SYNDIG1: variants seen among roughly 807,000 people sequenced by gnomAD.
SYNDIG1 encodes the protein synapse differentiation inducing 1, also known as synapse differentiation-inducing gene protein 1.
SYNDIG1 carries 9 observed loss-of-function variants against 19.4 expected under a neutral mutation model. That is an observed-to-expected ratio of 0.46 (90% CI 0.28 to 0.81). The LOEUF (loss-of-function observed/expected upper bound fraction) is 0.81. Among genes scored for constraint, SYNDIG1 ranks in the 30% least tolerant of loss-of-function variants. The pLI is 0.12. For synonymous variants in SYNDIG1, 141 were observed against 145.9 expected, an observed-to-expected ratio of 0.97 and a Z score of 0.24; for missense variants, 311 against 343.3, an observed-to-expected ratio of 0.91 and a Z score of 0.74.
intron 2 of SYNDIG1, among the ~76,000 whole-genome samples, chr20:24,578,681 C>T (rs762078723): frequency 8.4e-4 from 128 of 152,250 alleles, no homozygotes; most frequent in Non-Finnish European, 1.4e-3. Flanking sequence ...GCTTAGGGGA[C>T]GGCAGGTGCA....
intron 2 of SYNDIG1, among the ~76,000 whole-genome samples, chr20:24,575,578 A>G (rs1039396240): frequency 6.6e-6 from 1 of 152,342 alleles, no homozygotes; most frequent in Non-Finnish European, 1.5e-5. Flanking sequence ...CATTTGTTCT[A>G]GGACGTGCAA....
chr20:24,552,067 A>G (rs925851057), intron 2 of SYNDIG1, among the ~76,000 whole-genome samples: 2 of 152,340 alleles, frequency 1.3e-5, no homozygotes, highest in African/African-American at 4.8e-5. Context: ...AGTATCAGAA[A>G]TATTTACTTT....
intron 3 of SYNDIG1, among the ~76,000 whole-genome samples, chr20:24,650,191 A>G (rs560645804): frequency 1.3e-5 from 2 of 152,350 alleles, no homozygotes; most frequent in South Asian, 4.1e-4. Flanking sequence ...TCGTTGTCTT[A>G]TCTATAACGT....
intron 1 of SYNDIG1, among the ~76,000 whole-genome samples, chr20:24,494,267 G>A (rs1287357427): frequency 6.6e-6 from 1 of 152,192 alleles, no homozygotes; most frequent in East Asian, 1.9e-4. Flanking sequence ...ATGGAGGATT[G>A]AGCGCACAGT....
intron 2 of SYNDIG1, among the ~76,000 whole-genome samples, chr20:24,573,324 G>C (rs2058175245): frequency 6.6e-6 from 1 of 152,120 alleles, no homozygotes; most frequent in Non-Finnish European, 1.5e-5. Flanking sequence ...GCTCGGTTTT[G>C]TTCAGGCAGG....
In SYNDIG1 at chr20:24,481,647, A is replaced by G. The variant is rs563216599; in HGVS notation, c.-79+11894A>G. Among the ~76,000 whole-genome samples the G allele has an allele frequency of 3.3e-5, 5 of 152,340 alleles. No individual in the cohort carries two copies. The East Asian group carries it at 9.6e-4, about 29-fold the overall frequency. On this transcript the variant is annotated intron_variant, in intron 1 of 3. Transcript: ENST00000376862. ...TGAAGGGAGGTGTGTGAAAGAATTT[A>G]TGAACCATGTATTCAATCTGCCATG... is the stretch of plus-strand genomic sequence containing the variant.
chr20:24,663,327 A>G (rs1465240785), intron 3 of SYNDIG1, among the ~76,000 whole-genome samples: 1 of 152,190 alleles, frequency 6.6e-6, no homozygotes, highest in Non-Finnish European at 1.5e-5. Flanking sequence ...AAGGTCCCCC[A>G]GCGTGGAGAA....
intron 1 of SYNDIG1, among the ~76,000 whole-genome samples, chr20:24,517,533 G>A (rs2056901592): frequency 6.7e-6 from 1 of 148,206 alleles, no homozygotes; most frequent in Non-Finnish European, 1.5e-5. Context: ...GCAGGAGAAT[G>A]GTGTGAACCT....
At chr20:24,646,667 G>A (rs2147353702) in intron 3 of SYNDIG1, among the ~76,000 whole-genome samples, 1 of 151,970 alleles carries the variant, frequency 6.6e-6, no homozygotes, top group East Asian at 1.9e-4. Flanking sequence ...TGTCACCGAG[G>A]CTGGAGTACA....
intron 2 of SYNDIG1, among the ~76,000 whole-genome samples, chr20:24,568,266 G>T (rs2058087531): frequency 6.6e-6 from 1 of 152,204 alleles, no homozygotes; most frequent in Non-Finnish European, 1.5e-5. Context: ...CAGGTAATGA[G>T]CTGAAAGAAA....
chr20:24,560,694 CTTTTTTT>C (rs10658853), intron 2 of SYNDIG1, among the ~76,000 whole-genome samples: 1 of 113,822 alleles, frequency 8.8e-6, no homozygotes, highest in Non-Finnish European at 1.8e-5. Flanking sequence ...CTGTTGACTA[CTTTTTTT>C]TTTTTTTTTT....
At position 24,543,493 on chromosome 20, in the gene SYNDIG1, G is replaced by A. The variant is rs746773494; in HGVS notation, c.396G>A (p.Lys132=). Residue 132 remains lysine, a synonymous_variant, in exon 2 of 4, where the codon AAG becomes AAA. Transcript: ENST00000376862. ...ACAGCCTCGAGTACCCGGATGGGAA[G>A]TTCATTGACCTCTCAGCTGATGACA... The part of the protein sequence containing the change: ...TKDSLEYPDG[K]FIDLSADDIK... 1 of 1,612,530 alleles carries A rather than the reference G, an allele frequency of 6.2e-7. No individual in the cohort carries two copies. The highest frequency in any genetic ancestry group is 8.5e-7 in the Non-Finnish European group (1 of 1,180,020).
chr20:24,634,131 G>C (rs1009761685), intron 3 of SYNDIG1, among the ~76,000 whole-genome samples: 3 of 152,206 alleles, frequency 2.0e-5, no homozygotes, highest in Non-Finnish European at 4.4e-5. Flanking sequence ...CCCTCCTCCA[G>C]GGGGACCCCG....
intron 1 of SYNDIG1, among the ~76,000 whole-genome samples, chr20:24,534,389 G>C (rs2057321246): frequency 6.6e-6 from 1 of 152,312 alleles, no homozygotes; most frequent in Non-Finnish European, 1.5e-5. Context: ...GTCAGCACAA[G>C]CTCCGGGGCT....
rs559960635 is a variant in SYNDIG1 at position 24,584,745 on chromosome 20, T to C, written c.481-111T>C. 18 of 1,479,454 alleles carry C rather than the reference T, an allele frequency of 1.2e-5. No individual in the cohort carries two copies. In the African/African-American group the frequency reaches 2.4e-4, roughly 20 times the overall value. The allele number at this position is 1,479,454 out of a possible 1,614,324, so 91.6% of individuals were successfully genotyped here. On this transcript the variant is annotated intron_variant, in intron 2 of 3. Transcript: ENST00000376862. ...AACAACGTCAGCAACTGCAGCTGCCTCCCGGGGAGGGCCTGCGCCAGCCAG... is the reference window on the plus strand; with the variant it reads ...AACAACGTCAGCAACTGCAGCTGCCCCCCGGGGAGGGCCTGCGCCAGCCAG...
intron 3 of SYNDIG1, among the ~76,000 whole-genome samples, chr20:24,591,944 A>G (rs1431176363): frequency 1.3e-5 from 2 of 152,240 alleles, no homozygotes. Context: ...GAAGAACTAT[A>G]GAAGTCTGAT....
At chr20:24,473,022 T>A (rs751539041) in intron 1 of SYNDIG1, among the ~76,000 whole-genome samples, 1 of 152,190 alleles carries the variant, frequency 6.6e-6, no homozygotes, top group Non-Finnish European at 1.5e-5. Context: ...CACATTGGCC[T>A]TTCAGACCCT....
chr20:24,582,496 A>G (rs1600680323), intron 2 of SYNDIG1, among the ~76,000 whole-genome samples: 1 of 85,312 alleles, frequency 1.2e-5, no homozygotes, highest in African/African-American at 5.1e-5. Context: ...TCACCCCTGC[A>G]CATCCTCCCC....
intron 3 of SYNDIG1, among the ~76,000 whole-genome samples, chr20:24,637,312 A>G (rs1411557157): frequency 6.6e-6 from 1 of 152,222 alleles, no homozygotes; most frequent in East Asian, 1.9e-4. Context: ...ATGGTAATTT[A>G]CGATTCCTTC....
Sources: allele counts gnomAD v4.1 joint callset (sites outside exome capture counted in the v4.1 genomes callset), GRCh38; gene constraint gnomAD v4.1.1; transcripts MANE v1.5; gene names NCBI Gene and HGNC (gene_info 2026-07-23, HGNC 2026-07-21).